The following COL3A1 variants were observed in gnomAD, a reference collection of about 807,000 sequenced individuals.
COL3A1 encodes collagen alpha-1(III) chain.
In COL3A1, 46 loss-of-function variants were observed where a neutral mutation model predicts 200.9. The observed-to-expected ratio is 0.23, with a 90% confidence interval of 0.18 to 0.29. COL3A1 has a LOEUF of 0.29. Ranked by LOEUF, COL3A1 falls within the 10% of genes least tolerant of loss-of-function variation. The pLI, the probability that COL3A1 is intolerant of heterozygous loss-of-function variation, is 1.00. For synonymous variants in COL3A1, 650 were observed against 628.0 expected (o/e 1.03, Z -0.52); for missense variants, 1,367 against 1,917.6 (o/e 0.71, Z 5.36).
rs1199862721 is a variant in COL3A1, at chr2:188,992,907, A to T, written c.1017A>T (p.Gly339=). 2 of 1,614,008 alleles carry T rather than the reference A, an allele frequency of 1.2e-6. No individual in the cohort carries two copies. The highest frequency in any genetic ancestry group is 1.7e-5 in the Admixed American group (1 of 60,012). ...TTCAGGGCCCTCCTGGTCCTCCTGG[A>T]ACTGCCGGATTCCCTGGATCCCCTG... is the stretch of plus-strand genomic sequence containing the variant. ...DGQPGPPGPP[G]TAGFPGSPGA... is the part of the protein sequence containing the mutation. Residue 339 remains glycine (G), a synonymous_variant, in exon 15 of 51, where the codon GGA becomes GGT. Transcript: ENST00000304636.
rs185290159 is a variant in COL3A1, at chr2:188,975,194, C to T, written c.79+626C>T. On this transcript the variant is annotated intron_variant, in intron 1 of 50. Transcript: ENST00000304636. Reference sequence around the variant, plus strand: ...TTGATTAATTCATCTTTTCTAGTAGCTTGATATTAAGGGACTAATATTTTC... The same window carrying T: ...TTGATTAATTCATCTTTTCTAGTAGTTTGATATTAAGGGACTAATATTTTC... Among the ~76,000 whole-genome samples, 36 of 152,174 alleles carry T rather than the reference C, an allele frequency of 2.4e-4. No homozygotes were observed. In the Middle Eastern group the frequency reaches 0.014, roughly 58 times the overall value.
rs369796561 is a variant in COL3A1, at chr2:189,010,651, A to G, written c.4015A>G (p.Ser1339Gly). ...TTTTATTTGTTCCCTATTACAGTTT[A>G]GCTACGGCAATCCTGAACTTCCTGA... The part of the protein sequence containing the change: ...GESMDGGFQF[S>G]YGNPELPEDV... Residue 1339 changes from serine (S) to glycine (G), a missense_variant, in exon 50 of 51, where the codon AGC (serine) becomes GGC (glycine). Ser to Gly is a moderately conservative substitution (Grantham distance 56). Coordinates refer to ENST00000304636, the MANE Select transcript of COL3A1 (RefSeq NM_000090.4). 5 of 1,614,084 alleles carry G rather than the reference A, an allele frequency of 3.1e-6. No individual in the cohort carries two copies. In the African/African-American group the frequency reaches 6.7e-5, roughly 22 times the overall value.
intron 1 of COL3A1, among the ~76,000 whole-genome samples, chr2:188,984,518 G>A (rs1688022809): frequency 6.6e-6 from 1 of 151,872 alleles, no homozygotes; most frequent in Non-Finnish European, 1.5e-5. Flanking sequence ...AATATCTGCT[G>A]GTCTTAAGGA....
chr2:188,985,021 C>A, intron 2 of COL3A1, 59 bp downstream of exon 2: 1 of 1,517,438 alleles, frequency 6.6e-7, no homozygotes, highest in South Asian at 1.1e-5. Flanking sequence ...ATGAATAGCT[C>A]CTATATCATA....
At position 188,994,735 on chromosome 2, in the gene COL3A1, T is replaced by C. The variant is rs1232746183; in HGVS notation, c.1359T>C (p.Gly453=). 1.5e-5 allele frequency: 25 copies of C among 1,613,664 alleles called. No homozygotes were observed. The highest frequency in any genetic ancestry group is 2.0e-5 in the Non-Finnish European group (24 of 1,179,910). Residue 453 remains glycine, a synonymous_variant, in exon 20 of 51, where the codon GGT becomes GGC. Transcript: ENST00000304636. This position sits in a 1 kb window ranked among gnomAD's most constrained non-coding sequence, Gnocchi z 4.5. ...PGPRGERGEA[G]IPGVPGAKGE... ...TTTTTTTTTTTCAGGGTGAGGCTGG[T>C]ATTCCAGGTGTTCCAGGAGCTAAAG... is the stretch of plus-strand genomic sequence containing the variant.
chr2:188,975,223 A>G (rs558350648), intron 1 of COL3A1, among the ~76,000 whole-genome samples: 1 of 152,298 alleles, frequency 6.6e-6, no homozygotes, highest in African/African-American at 2.4e-5. Context: ...TATTTTCCAC[A>G]TATTCTACGT....
rs938127279 is a variant in COL3A1 at position 189,007,875 on chromosome 2, T to A, written c.3364-10T>A. The A allele has an allele frequency of 1.2e-6, 2 of 1,613,896 alleles. No homozygotes were observed. On this transcript the variant is annotated splice_polypyrimidine_tract_variant and intron_variant, in intron 45 of 50. Transcript: ENST00000304636. ...GCCTTCACTCCTATGTACACTTCCT[T>A]TCTTTCCAGGGCCCTGCTGGTCAGC... is the stretch of plus-strand genomic sequence containing the variant.
In COL3A1 at chr2:189,001,414, T is replaced by C. The variant is rs1559059510; in HGVS notation, c.2301T>C (p.Ile767=). 1.9e-6 allele frequency: 3 copies of C among 1,613,940 alleles called. No individual in the cohort carries two copies. The highest frequency in any genetic ancestry group is 2.5e-6 in the Non-Finnish European group (3 of 1,179,758). The change falls in exon 33 of 51, where the codon ATT becomes ATC. Residue 767 remains isoleucine, a synonymous_variant. Coordinates refer to ENST00000304636, the MANE Select transcript of COL3A1 (RefSeq NM_000090.4). ...KDGPRGPTGP[I]GPPGPAGQPG... is the part of the protein sequence containing the mutation. ...TCCTCTAGGGTCCTACTGGTCCTAT[T>C]GGTCCTCCTGGCCCAGCTGGCCAGC...
In COL3A1 at chr2:188,994,843, A is replaced by T. The variant is rs752647323; in HGVS notation, c.1455+12A>T. The T allele has an allele frequency of 1.9e-6, 3 of 1,612,312 alleles. No homozygotes were observed. Among genetic ancestry groups the T allele is most frequent in the Non-Finnish European group, 2.5e-6 (3 of 1,179,314 alleles). On this transcript the variant is annotated intron_variant, in intron 20 of 50. Transcript: ENST00000304636. The surrounding 1 kb of genome is among the most constrained non-coding windows in gnomAD (Gnocchi z 4.5). ...CTGCAGGAGAAAGGGTACGTTTTCC[A>T]TGGGGCATCTAAAAGAAAAGCAGCA...
intron 1 of COL3A1, among the ~76,000 whole-genome samples, chr2:188,983,528 G>A (rs756496135): frequency 8.6e-5 from 13 of 151,820 alleles, no homozygotes; most frequent in Non-Finnish European, 1.5e-4. Flanking sequence ...AGATGATATA[G>A]CAACGGGACC....
chr2:189,006,594 A>G, intron 43 of COL3A1, 142 bp downstream of exon 43: 1 of 862,528 alleles, frequency 1.2e-6, no homozygotes, highest in Non-Finnish European at 1.9e-6. Context: ...GTTGTTCCTT[A>G]GACAAATGTG....
At chr2:189,003,385 A>T (rs1688513729) in intron 36 of COL3A1, 26 bp from the exon 37 acceptor site, 1 of 1,609,396 alleles carries the variant, frequency 6.2e-7, no homozygotes, top group African/African-American at 1.3e-5. Flanking sequence ...TGCTATTCTT[A>T]CATAATTTCC....
chr2:188,998,139 C>T (rs947799805), intron 27 of COL3A1, 127 bp from the exon 28 acceptor site: 29 of 811,826 alleles, frequency 3.6e-5, no homozygotes, highest in South Asian at 1.7e-4. Flanking sequence ...AGTGGCACAA[C>T]GTTTCTACCC....
intron 41 of COL3A1, chr2:189,005,714 A>G (rs1179649711): frequency 4.4e-6 from 2 of 452,548 alleles, no homozygotes; most frequent in Non-Finnish European, 8.1e-6. Context: ...AGTGGGGAGA[A>G]CCACAATTGA....
chr2:188,996,581 C>A, intron 24 of COL3A1, 85 bp downstream of exon 24: 1 of 1,108,958 alleles, frequency 9.0e-7, no homozygotes. Context: ...GGTCAAAACT[C>A]AGTCTCCTCT....
rs1291291720 is a variant in COL3A1 at position 188,999,913 on chromosome 2, G to A, written c.2283+18G>A. ...GCCCAAGGGTGAGTATTCCCAGTGAGGAGAAGCAGGCCTTATCTATATGTC... is the reference window on the plus strand; with the variant it reads ...GCCCAAGGGTGAGTATTCCCAGTGAAGAGAAGCAGGCCTTATCTATATGTC... On this transcript the variant is annotated intron_variant, in intron 32 of 50. Transcript: ENST00000304636. 2 of 1,578,422 alleles carry A rather than the reference G, an allele frequency of 1.3e-6. No homozygotes were observed. Among genetic ancestry groups the A allele is most frequent in the Non-Finnish European group, 8.6e-7 (1 of 1,162,196 alleles).
intron 1 of COL3A1, among the ~76,000 whole-genome samples, chr2:188,977,513 C>G (rs76720114): frequency 2.5e-3 from 377 of 152,166 alleles, no homozygotes; most frequent in African/African-American, 7.4e-3. Context: ...ATTAAACACA[C>G]TGAACTAACA....
chr2:189,009,280 T>G, intron 48 of COL3A1, 59 bp downstream of exon 48: 3 of 1,597,658 alleles, frequency 1.9e-6, no homozygotes, highest in Non-Finnish European at 2.6e-6. Flanking sequence ...GCTGCTTAGA[T>G]TAGAATGGGA....
chr2:188,995,726 C>A lies in COL3A1; in HGVS notation c.1544C>A (p.Ala515Glu). ...PAGERGAPGP[A>E]GPRGAAGEPG... is the part of the protein sequence containing the mutation. ...GGAGAGCGTGGTGCTCCAGGCCCTG[C>A]AGGGCCCAGAGGAGCTGCTGGAGAA... is the stretch of plus-strand genomic sequence containing the variant. The change falls in exon 22 of 51, where the codon GCA (alanine) becomes GAA (glutamate). Residue 515 changes from alanine to glutamate, a missense_variant. Ala to Glu is a moderately radical substitution (Grantham distance 107). Coordinates refer to ENST00000304636, the MANE Select transcript of COL3A1 (RefSeq NM_000090.4). 1 of 1,564,208 alleles carries A rather than the reference C, an allele frequency of 6.4e-7. No individual in the cohort carries two copies. The highest frequency in any genetic ancestry group is 8.7e-7 in the Non-Finnish European group (1 of 1,153,794).
Sources: gnomAD v4.1 joint callset for allele counts (sites outside exome capture counted in the v4.1 genomes callset) on GRCh38, gnomAD v4.1.1 for gene constraint, Gnocchi (gnomAD v3.1) non-coding constraint, MANE v1.5 for transcripts, NCBI Gene and HGNC (gene_info 2026-07-23, HGNC 2026-07-21) for gene names.